Variants in AMN1 observed in about 807,000 individuals in gnomAD.
AMN1 encodes antagonist of mitotic exit network 1 homolog.
A neutral mutation model predicts 33.0 loss-of-function variants in AMN1; 20 were observed. The observed-to-expected ratio is 0.61, with a 90% CI of 0.43 to 0.88. The LOEUF is 0.88. Among genes scored for constraint, AMN1 ranks in the 40% least tolerant of loss-of-function variants. The pLI is 0.00. For missense variants in AMN1, 246 were observed against 307.4 expected, an observed-to-expected ratio of 0.80 and a Z score of 1.49; for synonymous variants, 114 against 111.9, an observed-to-expected ratio of 1.02 and a Z score of -0.12.
intron 1 of AMN1, among the ~76,000 whole-genome samples, chr12:31,717,194 G>C: frequency 1.3e-5 from 2 of 152,130 alleles, no homozygotes; most frequent in East Asian, 3.9e-4. Context: ...TATGACATGC[G>C]GTGTTTGGTT....
chr12:31,725,944 CT>C (rs1398239611), intron 1 of AMN1, among the ~76,000 whole-genome samples: 2 of 152,164 alleles, frequency 1.3e-5, no homozygotes, highest in South Asian at 4.1e-4. Flanking sequence ...AGTGATTCAC[CT>C]GCCTCGGCCT....
chr12:31,690,416 T>G (rs1938451233), intron 5 of AMN1, among the ~76,000 whole-genome samples: 1 of 152,152 alleles, frequency 6.6e-6, no homozygotes, highest in African/African-American at 2.4e-5. Flanking sequence ...CACACCAACA[T>G]CTATTATTTT....
chr12:31,690,458 G>C (rs558854147), intron 5 of AMN1, among the ~76,000 whole-genome samples: 91 of 152,152 alleles, frequency 6.0e-4, no homozygotes, highest in African/African-American at 2.1e-3. Context: ...ATTCTTGCAG[G>C]AGTCAGGTGG....
At chr12:31,716,450 A>G (rs1939679909) in intron 1 of AMN1, among the ~76,000 whole-genome samples, 1 of 152,192 alleles carries the variant, frequency 6.6e-6, no homozygotes, top group Middle Eastern at 3.2e-3. Flanking sequence ...GTTGTACCCA[A>G]TCACAATCCT....
At chr12:31,708,076 A>T (rs1389881045) in intron 2 of AMN1, among the ~76,000 whole-genome samples, 1 of 152,204 alleles carries the variant, frequency 6.6e-6, no homozygotes, top group African/African-American at 2.4e-5. Flanking sequence ...GTGCACCTTG[A>T]AAAAGAACAG....
rs138582183 is a variant in AMN1, at chr12:31,726,266, A to G, written c.38+2705T>C. Among the ~76,000 whole-genome samples the G allele has an allele frequency of 6.7e-3, 1,016 of 151,028 alleles. 13 individuals carry two copies. The highest frequency in any genetic ancestry group is 0.023 in the African/African-American group (952 of 41,000). On this transcript the variant is annotated intron_variant, in intron 1 of 6. Transcript: ENST00000281471. ...AACCTCTGCCTCCCAGGTTCAAGCG[A>G]TTCTCCCACCTCAGCCTCCCAAGGA...
In AMN1 at chr12:31,707,588, C is replaced by A. The variant is rs577347078; in HGVS notation, c.171+1705G>T. 2.0e-5 allele frequency among the ~76,000 whole-genome samples: 3 copies of A among 152,302 alleles called. No homozygotes were observed. In the South Asian group the frequency reaches 6.2e-4, roughly 32 times the overall value. On this transcript the variant is annotated intron_variant, in intron 2 of 6. Coordinates refer to ENST00000281471, the MANE Select transcript of AMN1 (RefSeq NM_001113402.2). The stretch of plus-strand genomic sequence containing the variant: ...TTCTAACTAATGAATTGTTTGATAA[C>A]CCTCTCCCACCTTTCTCTTTAAAAG...
intron 3 of AMN1, among the ~76,000 whole-genome samples, chr12:31,701,253 C>G (rs1196664108): frequency 1.3e-5 from 2 of 152,102 alleles, no homozygotes; most frequent in Non-Finnish European, 2.9e-5. Flanking sequence ...CCTGCCTCGG[C>G]CTCCCAGAGT....
intron 6 of AMN1, among the ~76,000 whole-genome samples, chr12:31,682,366 G>A (rs1466986834): frequency 2.0e-5 from 3 of 152,120 alleles, no homozygotes; most frequent in Non-Finnish European, 4.4e-5. Flanking sequence ...TTTGTATGCC[G>A]GGAAGTCCCT....
intron 2 of AMN1, among the ~76,000 whole-genome samples, chr12:31,702,729 A>G (rs1254573678): frequency 6.6e-6 from 1 of 151,982 alleles, no homozygotes; most frequent in Non-Finnish European, 1.5e-5. Context: ...TATACATTAT[A>G]TTATTTTTTA....
At chr12:31,720,862 T>C (rs1008882537) in intron 1 of AMN1, among the ~76,000 whole-genome samples, 3 of 152,268 alleles carry the variant, frequency 2.0e-5, no homozygotes, top group East Asian at 1.9e-4. Flanking sequence ...ATGTGAATAA[T>C]GCTGCTATGA....
Position 31,672,188 on chromosome 12 carries a change from CAATAA to C in AMN1, c.*111_*115del. On this transcript the variant is annotated 3_prime_UTR_variant, in exon 7 of 7. Coordinates refer to ENST00000281471, the MANE Select transcript of AMN1 (RefSeq NM_001113402.2). ...ATTCTCTGAGAGTTATAACTTAAGA[CAATAA>C]AATAATTAAAAATAGTGTTAACATT... The C allele has an allele frequency of 1.4e-6, 1 of 723,122 alleles. No individual in the cohort carries two copies. The highest frequency in any genetic ancestry group is 2.4e-6 in the Non-Finnish European group (1 of 423,906). The allele number at this position is 723,122 out of a possible 1,614,324, so 44.8% of individuals were successfully genotyped here.
intron 3 of AMN1, 73 bp downstream of exon 3, chr12:31,701,790 T>G: frequency 7.6e-7 from 1 of 1,308,544 alleles, no homozygotes; most frequent in Non-Finnish European, 1.0e-6. Flanking sequence ...TTGACGTATT[T>G]TCTCCCTTAC....
chr12:31,680,038 G>A (rs570917156), intron 6 of AMN1, among the ~76,000 whole-genome samples: 118 of 150,204 alleles, frequency 7.9e-4, no homozygotes, highest in African/African-American at 2.8e-3. Flanking sequence ...CAGGAGAATC[G>A]CTTGCACCCG....
At position 31,687,281 on chromosome 12, in the gene AMN1, C is replaced by G. The variant is rs118048558; in HGVS notation, c.703+1726G>C. Among the ~76,000 whole-genome samples, 5,959 of 152,288 alleles carry G rather than the reference C, an allele frequency of 0.039. 151 individuals are homozygous for G. The highest frequency in any genetic ancestry group is 0.063 in the South Asian group (304 of 4,828). On this transcript the variant is annotated intron_variant, in intron 6 of 6. Transcript: ENST00000281471. The surrounding 1 kb of genome is among the most constrained non-coding windows in gnomAD (Gnocchi z 4.1). ...CCCAGATACAATCTATGGTTACAGC[C>G]TTGGTTAAGGCTGGCAACCTAAAAA... is the stretch of plus-strand genomic sequence containing the variant.
At position 31,679,746 on chromosome 12, in the gene AMN1, T is replaced by A. The variant is rs115739805; in HGVS notation, c.704-7369A>T. On this transcript the variant is annotated intron_variant, in intron 6 of 6. Transcript: ENST00000281471. ...CTTAGATAACTATGAGAAACGGCAATGCATGTCTGCTGTAGGAGATTAGCA... is the reference window on the plus strand; with the variant it reads ...CTTAGATAACTATGAGAAACGGCAAAGCATGTCTGCTGTAGGAGATTAGCA... Among the ~76,000 whole-genome samples, 781 of 152,308 alleles carry A rather than the reference T, an allele frequency of 5.1e-3. 6 individuals are homozygous for A. Among genetic ancestry groups the A allele is most frequent in the Middle Eastern group, 0.051 (15 of 294 alleles).
intron 6 of AMN1, among the ~76,000 whole-genome samples, chr12:31,686,266 T>C (rs1938256302): frequency 6.6e-6 from 1 of 151,980 alleles, no homozygotes; most frequent in East Asian, 1.9e-4. Context: ...GCCAACATGG[T>C]GAAACCCTGT....
At chr12:31,679,427 A>G (rs1937894901) in intron 6 of AMN1, among the ~76,000 whole-genome samples, 1 of 152,174 alleles carries the variant, frequency 6.6e-6, no homozygotes, top group South Asian at 2.1e-4. Context: ...GCTATTCAGG[A>G]GGCTGAGGCA....
At chr12:31,685,404 T>C (rs556142731) in intron 6 of AMN1, among the ~76,000 whole-genome samples, 1 of 152,320 alleles carries the variant, frequency 6.6e-6, no homozygotes, top group East Asian at 1.9e-4. Flanking sequence ...TCTACTTTTG[T>C]CTCCCTTGGT....
Sources: gnomAD v4.1 joint callset for allele counts (sites outside exome capture counted in the v4.1 genomes callset) on GRCh38, gnomAD v4.1.1 for gene constraint, Gnocchi (gnomAD v3.1) non-coding constraint, MANE v1.5 for transcripts, NCBI Gene and HGNC (gene_info 2026-07-23, HGNC 2026-07-21) for gene names.